CAMK4: variants seen among roughly 807,000 people sequenced by gnomAD.
CAMK4 encodes calcium/calmodulin-dependent protein kinase type IV.
Under a neutral mutation model 44.9 loss-of-function variants are expected in CAMK4, and 22 were observed. That is an observed-to-expected ratio of 0.49 (90% CI 0.35 to 0.70). The LOEUF is 0.70. CAMK4 is among the 30% of genes least tolerant of loss of function. The probability of loss-of-function intolerance (pLI) is 0.01; values close to 1 mark genes in which losing one functional copy is unlikely to be tolerated. For synonymous variants in CAMK4, 218 were observed against 215.4 expected, an observed-to-expected ratio of 1.01 and a Z score of -0.11; for missense variants, 498 against 586.8, an observed-to-expected ratio of 0.85 and a Z score of 1.56.
chr5:111,446,285 A>C (rs147640418), intron 5 of CAMK4, among the ~76,000 whole-genome samples: 62 of 152,352 alleles, frequency 4.1e-4, no homozygotes, highest in African/African-American at 1.4e-3. Context: ...AGTCTTTGCT[A>C]TACAGGTTTA....
At chr5:111,283,794 C>G (rs185124614) in intron 1 of CAMK4, among the ~76,000 whole-genome samples, 1 of 152,200 alleles carries the variant, frequency 6.6e-6, no homozygotes, top group African/African-American at 2.4e-5. Context: ...TTAAAACATA[C>G]CATGGAATTG....
intron 1 of CAMK4, among the ~76,000 whole-genome samples, chr5:111,256,672 A>G (rs889699468): frequency 6.6e-6 from 1 of 152,204 alleles, no homozygotes; most frequent in African/African-American, 2.4e-5. Context: ...CAGAGCTAGA[A>G]AAGACATATA....
intron 5 of CAMK4, among the ~76,000 whole-genome samples, chr5:111,410,706 T>A (rs1752603110): frequency 6.6e-6 from 1 of 152,180 alleles, no homozygotes; most frequent in Non-Finnish European, 1.5e-5. Context: ...AAAAAATAAA[T>A]TTTTATTTGG....
chr5:111,240,337 A>C (rs75145408), intron 1 of CAMK4, among the ~76,000 whole-genome samples: 2,005 of 152,168 alleles, frequency 0.013, 44 homozygotes, highest in African/African-American at 0.044. Context: ...GTAGTAAGGA[A>C]TATTTGAAAG....
intron 7 of CAMK4, among the ~76,000 whole-genome samples, chr5:111,455,073 G>A (rs1754370286): frequency 6.6e-6 from 1 of 152,138 alleles, no homozygotes; most frequent in Non-Finnish European, 1.5e-5. Context: ...ACATAAAAAT[G>A]TCCCATGTGC....
chr5:111,468,704 G>T (rs984049973), intron 7 of CAMK4, among the ~76,000 whole-genome samples: 1 of 152,146 alleles, frequency 6.6e-6, no homozygotes, highest in East Asian at 1.9e-4. Flanking sequence ...ATTAAGCTGG[G>T]TACTGTGGCT....
intron 9 of CAMK4, among the ~76,000 whole-genome samples, chr5:111,479,678 C>G (rs1305976461): frequency 6.6e-6 from 1 of 152,162 alleles, no homozygotes; most frequent in African/African-American, 2.4e-5. Context: ...TTCCTGTGCT[C>G]TTTTTTCTTC....
At chr5:111,229,297 T>G (rs756235361) in intron 1 of CAMK4, among the ~76,000 whole-genome samples, 2 of 152,158 alleles carry the variant, frequency 1.3e-5, no homozygotes, top group African/African-American at 2.4e-5. Context: ...TCTCGCTGTG[T>G]CGTCACAAGG....
At chr5:111,289,960 G>A (rs1751379095) in intron 1 of CAMK4, among the ~76,000 whole-genome samples, 1 of 152,226 alleles carries the variant, frequency 6.6e-6, no homozygotes, top group Non-Finnish European at 1.5e-5. Flanking sequence ...GCTGGTGGAA[G>A]TAGTATCTCC....
intron 1 of CAMK4, among the ~76,000 whole-genome samples, chr5:111,261,780 A>G (rs1245667388): frequency 2.0e-5 from 3 of 152,048 alleles, no homozygotes; most frequent in Non-Finnish European, 4.4e-5. Context: ...CCTATGACTC[A>G]CTGTTCCTTA....
At chr5:111,240,641 A>T (rs1748947634) in intron 1 of CAMK4, among the ~76,000 whole-genome samples, 1 of 152,192 alleles carries the variant, frequency 6.6e-6, no homozygotes, top group Admixed American at 6.5e-5. Flanking sequence ...AAGTGGGGGG[A>T]TAGAAATTAG....
intron 2 of CAMK4, among the ~76,000 whole-genome samples, chr5:111,354,344 T>C (rs564811250): frequency 6.6e-6 from 1 of 152,024 alleles, no homozygotes; most frequent in African/African-American, 2.4e-5. Context: ...GTAAAATGAA[T>C]AATTTCCAAA....
chr5:111,243,426 T>G (rs1415763061), intron 1 of CAMK4, among the ~76,000 whole-genome samples: 2 of 152,168 alleles, frequency 1.3e-5, no homozygotes, highest in African/African-American at 4.8e-5. Flanking sequence ...AAGGTTCTTA[T>G]GAAAACTGTA....
At chr5:111,376,170 C>T (rs140896970) in intron 3 of CAMK4, among the ~76,000 whole-genome samples, 2 of 152,100 alleles carry the variant, frequency 1.3e-5, no homozygotes, top group African/African-American at 4.8e-5. Flanking sequence ...ACCACTTTTA[C>T]ATTATCCATC....
At position 111,487,576 on chromosome 5, in the gene CAMK4, T is replaced by C. The variant is rs1195484400; in HGVS notation, c.*3110T>C. 6.6e-6 allele frequency: 1 copy of C among 152,202 alleles called. No homozygotes were observed. The highest frequency in any genetic ancestry group is 1.9e-4 in the East Asian group (1 of 5,202). 9.4% of individuals were successfully genotyped at this position (152,202 alleles called of 1,614,324 possible). On this transcript the variant is annotated 3_prime_UTR_variant, in exon 11 of 11. Transcript: ENST00000282356. The stretch of plus-strand genomic sequence containing the variant: ...GAAAAATAGATGAAAGTATAGTATT[T>C]TTAATCCAATTCATCCAAATTATTC...
chr5:111,447,027 G>A (rs978281333), intron 6 of CAMK4, among the ~76,000 whole-genome samples: 15 of 152,292 alleles, frequency 9.8e-5, no homozygotes, highest in Non-Finnish European at 2.1e-4. Context: ...CTTAGAAATG[G>A]CAAGGACCAC....
intron 2 of CAMK4, chr5:111,365,380 A>C (rs927628671): frequency 2.0e-5 from 3 of 152,192 alleles, no homozygotes; most frequent in Non-Finnish European, 4.4e-5. Flanking sequence ...CTAAGGAAGA[A>C]TCGAGGAAGT....
rs530990070 is a variant in CAMK4 at position 111,237,343 on chromosome 5, T to C, written c.161+12699T>C. On this transcript the variant is annotated intron_variant, in intron 1 of 10. Transcript: ENST00000282356. ...CTAAGATCCCTTCTAGTCCCAACCA[T>C]GTGTGCACCTGCGTTTTCTTCCAGT... Among the ~76,000 whole-genome samples the C allele has an allele frequency of 5.9e-5, 9 of 152,324 alleles. No homozygotes were observed. In the South Asian group the frequency reaches 1.9e-3, roughly 32 times the overall value.
intron 5 of CAMK4, among the ~76,000 whole-genome samples, chr5:111,418,058 A>T (rs1210456775): frequency 2.0e-5 from 3 of 152,096 alleles, no homozygotes; most frequent in Non-Finnish European, 4.4e-5. Context: ...TCCTAAAAAT[A>T]TATCTGTTGG....
Sources: allele counts gnomAD v4.1 joint callset (sites outside exome capture counted in the v4.1 genomes callset), GRCh38; gene constraint gnomAD v4.1.1; transcripts MANE v1.5; gene names NCBI Gene and HGNC (gene_info 2026-07-23, HGNC 2026-07-21).